The following MAF variants were observed in gnomAD, a reference collection of about 807,000 sequenced individuals.
The protein encoded by MAF is transcription factor Maf.
MAF carries 10 observed loss-of-function variants against 22.0 expected under a neutral mutation model. That is an observed-to-expected ratio of 0.45 (90% CI 0.28 to 0.77). MAF has a LOEUF of 0.77. Among genes scored for constraint, MAF ranks in the 30% least tolerant of loss-of-function variants. The pLI is 0.12. For missense variants in MAF, 544 were observed against 548.4 expected, an observed-to-expected ratio of 0.99 and a Z score of 0.08; for synonymous variants, 337 against 255.8, an observed-to-expected ratio of 1.32 and a Z score of -3.03.
At chr16:79,320,438 G>C in the MAF span, among the ~76,000 whole-genome samples, 1 of 152,198 alleles carries the variant, frequency 6.6e-6, no homozygotes, top group African/African-American at 2.4e-5. Context: ...TGGGGATGCC[G>C]TTGGTCAGCC....
the MAF span, chr16:79,202,751 G>A: frequency 6.6e-6 from 1 of 152,196 alleles, no homozygotes; most frequent in Admixed American, 6.5e-5. Flanking sequence ...TAGAATAGCA[G>A]CATGCATAGC....
At chr16:79,383,276 G>A in the MAF span, among the ~76,000 whole-genome samples, 1 of 152,074 alleles carries the variant, frequency 6.6e-6, no homozygotes, top group Admixed American at 6.6e-5. Context: ...CATTTTAGAC[G>A]GTTGTTCAGA....
At chr16:79,509,085 A>G in the MAF span, among the ~76,000 whole-genome samples, 53 of 152,346 alleles carry the variant, frequency 3.5e-4, no homozygotes, top group Middle Eastern at 3.4e-3. Flanking sequence ...TCATATTTAT[A>G]TCTCTGTTTA....
At chr16:79,378,125 G>A in the MAF span, among the ~76,000 whole-genome samples, 3 of 152,068 alleles carry the variant, frequency 2.0e-5, no homozygotes, top group Admixed American at 6.6e-5. Flanking sequence ...GGGAAGTATG[G>A]CCATTTTCAC....
At chr16:79,496,364 T>C in the MAF span, among the ~76,000 whole-genome samples, 6 of 152,192 alleles carry the variant, frequency 3.9e-5, no homozygotes, top group African/African-American at 1.4e-4. Context: ...AGCCATCATT[T>C]CAGAGTAGGG....
At chr16:79,350,191 G>C in the MAF span, among the ~76,000 whole-genome samples, 1 of 152,176 alleles carries the variant, frequency 6.6e-6, no homozygotes. Context: ...ATTTGTTAAA[G>C]CATGGACTCT....
the MAF span, among the ~76,000 whole-genome samples, chr16:79,273,861 G>A: frequency 1.3e-5 from 2 of 151,972 alleles, no homozygotes; most frequent in African/African-American, 4.8e-5. Context: ...TAGGGATTGG[G>A]ACATGGATAT....
chr16:79,394,342 C>G, the MAF span, among the ~76,000 whole-genome samples: 13,039 of 152,162 alleles, frequency 0.086, 675 homozygotes, highest in East Asian at 0.16. Context: ...TCCTTTCAGA[C>G]CCTGTTTACA....
At chr16:79,265,060 T>C in the MAF span, among the ~76,000 whole-genome samples, 6 of 152,236 alleles carry the variant, frequency 3.9e-5, no homozygotes, top group African/African-American at 1.4e-4. Context: ...GTCAAGTAAT[T>C]TTTTTTAACT....
chr16:79,488,819 T>A, the MAF span, among the ~76,000 whole-genome samples: 7 of 152,278 alleles, frequency 4.6e-5, no homozygotes, highest in East Asian at 1.2e-3. Flanking sequence ...TCATGAGGAC[T>A]AATATTCCCT....
the MAF span, among the ~76,000 whole-genome samples, chr16:79,348,857 T>C: frequency 1.3e-3 from 194 of 152,334 alleles, no homozygotes; most frequent in African/African-American, 3.7e-3. Context: ...AGGGGCTAAA[T>C]GGCAAGGTCC....
chr16:79,472,327 CAT>C, the MAF span, among the ~76,000 whole-genome samples: 1 of 152,150 alleles, frequency 6.6e-6, no homozygotes, highest in Non-Finnish European at 1.5e-5. Flanking sequence ...TGAATTCACT[CAT>C]AAAGACATTA....
At chr16:79,295,779 C>A in the MAF span, among the ~76,000 whole-genome samples, 1 of 152,180 alleles carries the variant, frequency 6.6e-6, no homozygotes, top group Non-Finnish European at 1.5e-5. Flanking sequence ...GTAAGTGGTC[C>A]ACAAGAACTT....
chr16:79,416,607 G>C, the MAF span, among the ~76,000 whole-genome samples: 1 of 152,112 alleles, frequency 6.6e-6, no homozygotes, highest in East Asian at 1.9e-4. Context: ...CCCCACTCCA[G>C]TTTTACAGAT....
chr16:79,530,337 G>C, the MAF span, among the ~76,000 whole-genome samples: 1 of 152,266 alleles, frequency 6.6e-6, no homozygotes, highest in African/African-American at 2.4e-5. Context: ...CATGCATTCA[G>C]CTGTCCCAAC....
the MAF span, among the ~76,000 whole-genome samples, chr16:79,346,030 C>T: frequency 1.3e-5 from 2 of 151,998 alleles, no homozygotes; most frequent in African/African-American, 2.4e-5. Flanking sequence ...CGATAGGGCT[C>T]ATTCTTTTTT....
the MAF span, among the ~76,000 whole-genome samples, chr16:79,579,512 A>G: frequency 1.1e-4 from 16 of 152,196 alleles, no homozygotes; most frequent in Non-Finnish European, 2.2e-4. Flanking sequence ...CCGATACCAA[A>G]CTTTGATTAT....
the MAF span, among the ~76,000 whole-genome samples, chr16:79,477,998 G>T: frequency 6.6e-6 from 1 of 152,152 alleles, no homozygotes; most frequent in Non-Finnish European, 1.5e-5. Context: ...TGGGATTACA[G>T]GTGTGAGCCA....
the MAF span, chr16:79,203,824 T>G: frequency 2.4e-4 from 37 of 152,336 alleles, no homozygotes; most frequent in African/African-American, 8.4e-4. Flanking sequence ...TATTTTGGTG[T>G]AGATGGCGAA....
Sources: allele counts gnomAD v4.1 joint callset (sites outside exome capture counted in the v4.1 genomes callset), GRCh38; gene constraint gnomAD v4.1.1; transcripts MANE v1.5; gene names NCBI Gene and HGNC (gene_info 2026-07-23, HGNC 2026-07-21).